The following LRMDA variants were observed in gnomAD, a reference collection of about 807,000 sequenced individuals.
LRMDA encodes the protein leucine-rich melanocyte differentiation-associated protein.
Under a neutral mutation model 29.8 loss-of-function variants are expected in LRMDA, and 18 were observed. The observed-to-expected ratio is 0.60, with a 90% CI of 0.42 to 0.90. LRMDA has a LOEUF of 0.90. Among genes scored for constraint, LRMDA ranks in the 40% least tolerant of loss-of-function variants. LRMDA has a pLI of 0.00. For synonymous variants in LRMDA, 125 were observed against 109.4 expected (o/e 1.14, Z -0.89); for missense variants, 273 against 273.9 (o/e 1.00, Z 0.02).
chr10:75,713,247 G>C (rs555618360), intron 2 of LRMDA, among the ~76,000 whole-genome samples: 1 of 152,256 alleles, frequency 6.6e-6, no homozygotes, highest in East Asian at 1.9e-4. Flanking sequence ...AGAAAGAAAA[G>C]GTGGATCTTT....
At chr10:76,201,995 G>T (rs1359284384) in intron 5 of LRMDA, among the ~76,000 whole-genome samples, 2 of 152,014 alleles carry the variant, frequency 1.3e-5, no homozygotes, top group African/African-American at 4.8e-5. Flanking sequence ...TATGGCTGGG[G>T]TCTCTCTTCA....
intron 6 of LRMDA, among the ~76,000 whole-genome samples, chr10:76,499,584 G>A (rs866893817): frequency 1.3e-5 from 1 of 74,852 alleles, no homozygotes; most frequent in African/African-American, 3.2e-5. Flanking sequence ...TGAAAAATTA[G>A]TAAAATTATT....
At chr10:75,540,454 A>G (rs1222677315) in intron 2 of LRMDA, among the ~76,000 whole-genome samples, 1 of 152,236 alleles carries the variant, frequency 6.6e-6, no homozygotes, top group Non-Finnish European at 1.5e-5. Context: ...GTGTGGCCAT[A>G]GGATTCTCGT....
chr10:75,902,747 A>C (rs958828134), intron 2 of LRMDA, among the ~76,000 whole-genome samples: 1 of 151,764 alleles, frequency 6.6e-6, no homozygotes, highest in East Asian at 1.9e-4. Flanking sequence ...CTGTCCTCTG[A>C]GTGCTGTTCT....
At chr10:76,333,041 A>G (rs1398338990) in intron 6 of LRMDA, among the ~76,000 whole-genome samples, 1 of 152,218 alleles carries the variant, frequency 6.6e-6, no homozygotes. Context: ...CTACTCAGGC[A>G]TGACTCTTTG....
At chr10:75,867,080 G>A (rs999132278) in intron 2 of LRMDA, among the ~76,000 whole-genome samples, 1 of 152,182 alleles carries the variant, frequency 6.6e-6, no homozygotes, top group African/African-American at 2.4e-5. Context: ...GGTTACTGCC[G>A]TCTGGACAGG....
At chr10:76,149,922 A>C (rs1307900537) in intron 5 of LRMDA, among the ~76,000 whole-genome samples, 3 of 152,134 alleles carry the variant, frequency 2.0e-5, no homozygotes, top group Non-Finnish European at 4.4e-5. Context: ...CTGGTTGATG[A>C]GGGGAAGCCC....
chr10:75,848,506 C>T (rs1166587237), intron 2 of LRMDA, among the ~76,000 whole-genome samples: 2 of 152,180 alleles, frequency 1.3e-5, no homozygotes, highest in Non-Finnish European at 2.9e-5. Flanking sequence ...TACCTCTGTG[C>T]TATGCTGAGT....
At chr10:75,494,697 C>T (rs984255300) in intron 2 of LRMDA, among the ~76,000 whole-genome samples, 9 of 151,900 alleles carry the variant, frequency 5.9e-5, no homozygotes, top group East Asian at 1.9e-4. Flanking sequence ...GATGGGGTTT[C>T]GCCATGTTGG....
At chr10:76,119,006 T>C (rs978546002) in intron 5 of LRMDA, among the ~76,000 whole-genome samples, 3 of 152,112 alleles carry the variant, frequency 2.0e-5, no homozygotes, top group African/African-American at 7.2e-5. Flanking sequence ...AAAGTGAGGA[T>C]GAAGTTCCTG....
At chr10:76,102,114 T>A (rs1228985121) in intron 5 of LRMDA, among the ~76,000 whole-genome samples, 1 of 152,252 alleles carries the variant, frequency 6.6e-6, no homozygotes, top group Non-Finnish European at 1.5e-5. Context: ...TTCATTCCTT[T>A]TCATGACTGA....
chr10:76,256,009 C>T (rs940465073), intron 5 of LRMDA, among the ~76,000 whole-genome samples: 1 of 152,142 alleles, frequency 6.6e-6, no homozygotes, highest in Non-Finnish European at 1.5e-5. Flanking sequence ...TTCTATGGCT[C>T]ATTGTGTAAT....
chr10:75,673,211 G>A (rs1190886098), intron 2 of LRMDA, among the ~76,000 whole-genome samples: 2 of 152,048 alleles, frequency 1.3e-5, no homozygotes, highest in African/African-American at 4.8e-5. Context: ...AGTGGGCTGT[G>A]GGGTTGAAGG....
intron 5 of LRMDA, among the ~76,000 whole-genome samples, chr10:76,115,908 C>G (rs1436998112): frequency 1.3e-5 from 2 of 152,198 alleles, no homozygotes; most frequent in African/African-American, 4.8e-5. Flanking sequence ...CAAGCAGGCA[C>G]AGAGATCATC....
At chr10:75,631,775 A>G (rs1007828455) in intron 2 of LRMDA, among the ~76,000 whole-genome samples, 1 of 152,096 alleles carries the variant, frequency 6.6e-6, no homozygotes, top group South Asian at 2.1e-4. Context: ...ATTTGCAATG[A>G]AACAGTTTTA....
At chr10:76,445,040 CG>C (rs932569768) in intron 6 of LRMDA, among the ~76,000 whole-genome samples, 24 of 151,952 alleles carry the variant, frequency 1.6e-4, no homozygotes, top group Non-Finnish European at 2.9e-4. Context: ...GGACAAAGCG[CG>C]GTGCAAAGCA....
At chr10:75,995,460 T>C (rs1178343487) in intron 2 of LRMDA, among the ~76,000 whole-genome samples, 3 of 152,202 alleles carry the variant, frequency 2.0e-5, no homozygotes, top group African/African-American at 7.2e-5. Context: ...GTCATCTTTG[T>C]AGGCACATTA....
chr10:75,496,140 T>C lies in LRMDA; in HGVS notation c.131+57646T>C, dbSNP rs1189025896. ...AGCACTTTTACAGTTAGTGAGACAA[T>C]ATTTGAAATCCAGGAGTTTTAAACA... On this transcript the variant is annotated intron_variant, in intron 2 of 6. Transcript: ENST00000611255. 3.9e-5 allele frequency among the ~76,000 whole-genome samples: 6 copies of C among 152,308 alleles called. No individual in the cohort carries two copies. In the East Asian group the frequency reaches 1.2e-3, roughly 29 times the overall value.
chr10:76,187,938 G>A (rs1851178653), intron 5 of LRMDA, among the ~76,000 whole-genome samples: 1 of 152,138 alleles, frequency 6.6e-6, no homozygotes. Context: ...CTAGTTCCCA[G>A]GCACCTAGGC....
Sources: allele counts gnomAD v4.1 joint callset (sites outside exome capture counted in the v4.1 genomes callset), GRCh38; gene constraint gnomAD v4.1.1; transcripts MANE v1.5; gene names NCBI Gene and HGNC (gene_info 2026-07-23, HGNC 2026-07-21).